The following KCNIP3 variants were observed in gnomAD, a reference collection of about 807,000 sequenced individuals.
The protein encoded by KCNIP3 is calsenilin.
Under a neutral mutation model 35.0 loss-of-function variants are expected in KCNIP3, and 28 were observed. That is an observed-to-expected ratio of 0.80 (90% CI 0.59 to 1.10). The LOEUF is 1.10. Ranked by LOEUF, KCNIP3 falls within the 50% of genes least tolerant of loss-of-function variation. The pLI, the probability that KCNIP3 is intolerant of heterozygous loss-of-function variation, is 0.00. For synonymous variants in KCNIP3, 134 were observed against 133.8 expected (o/e 1.00, Z -0.01); for missense variants, 295 against 338.4 (o/e 0.87, Z 1.01).
At chr2:95,363,919 C>T (rs1679858949) in intron 2 of KCNIP3, among the ~76,000 whole-genome samples, 1 of 152,154 alleles carries the variant, frequency 6.6e-6, no homozygotes, top group African/African-American at 2.4e-5. Context: ...CTGAACTCTC[C>T]TGTCTGTTGA....
chr2:95,346,487 C>CG (rs950029844), intron 2 of KCNIP3, among the ~76,000 whole-genome samples: 2 of 149,526 alleles, frequency 1.3e-5, no homozygotes, highest in Non-Finnish European at 1.5e-5. Flanking sequence ...CGGGCAGGCG[C>CG]GGGGGGGCCG....
At chr2:95,328,731 AG>A (rs1254651189) in intron 2 of KCNIP3, among the ~76,000 whole-genome samples, 1 of 152,238 alleles carries the variant, frequency 6.6e-6, no homozygotes, top group African/African-American at 2.4e-5. Context: ...ACTGACCGCC[AG>A]GGAGCCTGGC....
intron 2 of KCNIP3, among the ~76,000 whole-genome samples, chr2:95,342,267 A>T (rs1679211884): frequency 6.6e-6 from 1 of 152,210 alleles, no homozygotes; most frequent in African/African-American, 2.4e-5. Flanking sequence ...CTGGTTTATC[A>T]GCTGTGTGCC....
At position 95,382,543 on chromosome 2, in the gene KCNIP3, TG is replaced by T; in HGVS notation, c.660+66del. On this transcript the variant is annotated intron_variant, in intron 7 of 8. Coordinates refer to ENST00000295225, the MANE Select transcript of KCNIP3 (RefSeq NM_013434.5). The surrounding 1 kb of genome is among the most constrained non-coding windows in gnomAD (Gnocchi z 4.5). ...TGGCAGAGGAAGGGGCTCTCGCTTT[TG>T]GGGCCACCCCGGGCAAGTGGCTTGC... 1 of 1,268,880 alleles carries T rather than the reference TG, an allele frequency of 7.9e-7. No individual in the cohort carries two copies. 78.6% of individuals were successfully genotyped at this position (1,268,880 alleles called of 1,614,324 possible).
At position 95,374,834 on chromosome 2, in the gene KCNIP3, C is replaced by G. The variant is rs1558778117; in HGVS notation, c.307-14C>G. 1 of 1,612,996 alleles carries G rather than the reference C, an allele frequency of 6.2e-7. No homozygotes were observed. Among genetic ancestry groups the G allele is most frequent in the Admixed American group, 1.7e-5 (1 of 60,024 alleles). ...GGGGTGGCCGAGGGCTGAGGGGGTG[C>G]CTTCCTGCTGCAGGAGTGTCCCACG... On this transcript the variant is annotated splice_polypyrimidine_tract_variant and intron_variant, in intron 3 of 8. Coordinates refer to ENST00000295225, the MANE Select transcript of KCNIP3 (RefSeq NM_013434.5).
At chr2:95,345,942 G>C (rs992644223) in intron 2 of KCNIP3, among the ~76,000 whole-genome samples, 1 of 152,274 alleles carries the variant, frequency 6.6e-6, no homozygotes, top group African/African-American at 2.4e-5. Context: ...GCCCGAAGGC[G>C]GGCGTCTCCC....
rs200510801 is a variant in KCNIP3, at chr2:95,324,217, TTAA to T, written c.181+13701_181+13703del. ...TTGAAATAATGCTCAGAAGTTTTTC[TTAA>T]TAACGTGAGGGCCGGGCGCGGTGGC... On this transcript the variant is annotated intron_variant, in intron 2 of 8. Coordinates refer to ENST00000295225, the MANE Select transcript of KCNIP3 (RefSeq NM_013434.5). Among the ~76,000 whole-genome samples, 732 of 152,308 alleles carry T rather than the reference TTAA, an allele frequency of 4.8e-3. 6 individuals are homozygous for T. The highest frequency in any genetic ancestry group is 0.016 in the African/African-American group (685 of 41,554).
chr2:95,366,158 G>A (rs1473878325), intron 2 of KCNIP3, among the ~76,000 whole-genome samples: 1 of 152,030 alleles, frequency 6.6e-6, no homozygotes, highest in South Asian at 2.1e-4. Flanking sequence ...TGGCGATATA[G>A]AACAATGTCG....
rs35062339 is a variant in KCNIP3, at chr2:95,378,885, TAC to T, written c.448-2699_448-2698del. Among the ~76,000 whole-genome samples, 4 of 150,502 alleles carry T rather than the reference TAC, an allele frequency of 2.7e-5. No homozygotes were observed. The highest frequency in any genetic ancestry group is 4.4e-5 in the Non-Finnish European group (3 of 67,748). The stretch of plus-strand genomic sequence containing the variant: ...ATATATACACACACACACATATATA[TAC>T]ACACACACACATATATATATATATA... On this transcript the variant is annotated intron_variant, in intron 5 of 8. Coordinates refer to ENST00000295225, the MANE Select transcript of KCNIP3 (RefSeq NM_013434.5). This position sits in a 1 kb window ranked among gnomAD's most constrained non-coding sequence, Gnocchi z 4.0.
chr2:95,347,140 G>C (rs1679395265), intron 2 of KCNIP3: 1 of 1,593,578 alleles, frequency 6.3e-7, no homozygotes, highest in Admixed American at 1.7e-5. Context: ...GTGGCCACTT[G>C]CCCCTTCGCC....
chr2:95,328,692 G>A (rs1395162414), intron 2 of KCNIP3, among the ~76,000 whole-genome samples: 1 of 152,242 alleles, frequency 6.6e-6, no homozygotes, highest in Admixed American at 6.5e-5. Context: ...TCTTAGGGCA[G>A]CATTCTCAGT....
intron 2 of KCNIP3, chr2:95,347,022 G>C (rs1392704796): frequency 1.2e-6 from 2 of 1,606,640 alleles, no homozygotes; most frequent in Admixed American, 3.4e-5. Context: ...GGCTTGCCAT[G>C]GGCATCCAGG....
intron 1 of KCNIP3, among the ~76,000 whole-genome samples, chr2:95,304,422 C>T (rs1678120677): frequency 6.6e-6 from 1 of 152,276 alleles, no homozygotes; most frequent in African/African-American, 2.4e-5. Context: ...CGTGCCCTCC[C>T]TTTGTAAAGA....
intron 2 of KCNIP3, among the ~76,000 whole-genome samples, chr2:95,370,414 TG>T (rs1340129683): frequency 6.6e-6 from 1 of 152,242 alleles, no homozygotes; most frequent in Non-Finnish European, 1.5e-5. Context: ...ATAGCTTTTC[TG>T]GGGTTTCAGC....
chr2:95,297,469 A>G lies in KCNIP3; in HGVS notation c.15+16A>G. ...GCCGGCTAAGGTAGGTGCTGGGGGA[A>G]TGGGGTCTTGCTCTGGAGGGGGGTC... On this transcript the variant is annotated intron_variant, in intron 1 of 8. Coordinates refer to ENST00000295225, the MANE Select transcript of KCNIP3 (RefSeq NM_013434.5). 3 of 499,192 alleles carry G rather than the reference A, an allele frequency of 6.0e-6. No individual in the cohort carries two copies. The highest frequency in any genetic ancestry group is 2.5e-5 in the South Asian group (1 of 39,558). 30.9% of individuals were successfully genotyped at this position (499,192 alleles called of 1,614,324 possible).
At chr2:95,342,725 C>T (rs963388328) in intron 2 of KCNIP3, among the ~76,000 whole-genome samples, 2 of 152,204 alleles carry the variant, frequency 1.3e-5, no homozygotes, top group African/African-American at 4.8e-5. Context: ...GCCTGCTTTT[C>T]CCCGGGGCCA....
chr2:95,323,682 G>T (rs1678652261), intron 2 of KCNIP3, among the ~76,000 whole-genome samples: 1 of 152,132 alleles, frequency 6.6e-6, no homozygotes, highest in Admixed American at 6.5e-5. Context: ...CCAGGATCTG[G>T]CATCCCCGGG....
At chr2:95,325,927 A>G (rs1222462129) in intron 2 of KCNIP3, among the ~76,000 whole-genome samples, 1 of 149,560 alleles carries the variant, frequency 6.7e-6, no homozygotes, top group East Asian at 1.9e-4. Flanking sequence ...ATACACACTC[A>G]TACACATACA....
intron 2 of KCNIP3, among the ~76,000 whole-genome samples, chr2:95,355,474 G>A (rs929189631): frequency 3.9e-5 from 6 of 152,034 alleles, no homozygotes; most frequent in South Asian, 2.1e-4. Context: ...TAGGTATTTC[G>A]CCTAATGCTA....
Sources: gnomAD v4.1 joint callset for allele counts (sites outside exome capture counted in the v4.1 genomes callset) on GRCh38, gnomAD v4.1.1 for gene constraint, Gnocchi (gnomAD v3.1) non-coding constraint, MANE v1.5 for transcripts, NCBI Gene and HGNC (gene_info 2026-07-23, HGNC 2026-07-21) for gene names.